Variants in RREB1 observed in about 807,000 individuals in gnomAD.
RREB1 encodes the protein ras-responsive element-binding protein 1.
RREB1 carries 27 observed loss-of-function variants against 117.8 expected under a neutral mutation model. The observed-to-expected ratio is 0.23, with a 90% CI of 0.17 to 0.32. RREB1 has a LOEUF of 0.32. Among genes scored for constraint, RREB1 ranks in the 10% least tolerant of loss-of-function variants. The probability of loss-of-function intolerance (pLI) is 1.00; values close to 1 mark genes in which losing one functional copy is unlikely to be tolerated. For synonymous variants in RREB1, 1,298 were observed against 1,026.7 expected, an observed-to-expected ratio of 1.26 and a Z score of -5.05; for missense variants, 2,577 against 2,378.2, an observed-to-expected ratio of 1.08 and a Z score of -1.74.
intron 5 of RREB1, among the ~76,000 whole-genome samples, 172 bp from the exon 6 acceptor site, chr6:7,188,987 C>T (rs1489378603): frequency 6.6e-6 from 1 of 152,142 alleles, no homozygotes; most frequent in East Asian, 1.9e-4. Flanking sequence ...TATTTATTTG[C>T]CTGTTTTCCT....
intron 1 of RREB1, among the ~76,000 whole-genome samples, chr6:7,149,995 G>GTTT (rs375066168): frequency 7.1e-6 from 1 of 140,314 alleles, no homozygotes. Context: ...GGCCTGGTTG[G>GTTT]TTTTTTTTTT....
At chr6:7,152,360 T>A (rs1763164031) in intron 1 of RREB1, among the ~76,000 whole-genome samples, 1 of 152,222 alleles carries the variant, frequency 6.6e-6, no homozygotes, top group Non-Finnish European at 1.5e-5. Context: ...TAATGTTAGA[T>A]CTTTAGGTTT....
chr6:7,245,382 G>A (rs185295621), intron 11 of RREB1, among the ~76,000 whole-genome samples: 54 of 152,280 alleles, frequency 3.5e-4, no homozygotes, highest in Admixed American at 6.5e-4. Context: ...GCGACAAGGC[G>A]AAACTCCGTC....
At chr6:7,238,239 T>A (rs1768467285) in intron 10 of RREB1, among the ~76,000 whole-genome samples, 1 of 152,218 alleles carries the variant, frequency 6.6e-6, no homozygotes, top group South Asian at 2.1e-4. Flanking sequence ...AGTAATTTTT[T>A]TCATTTTATT....
At chr6:7,238,385 C>T (rs185562339) in intron 10 of RREB1, among the ~76,000 whole-genome samples, 2 of 152,288 alleles carry the variant, frequency 1.3e-5, no homozygotes, top group South Asian at 2.1e-4. Context: ...TTAAGGTGTG[C>T]ACCACCATGC....
chr6:7,237,978 G>A (rs750628102), intron 10 of RREB1, among the ~76,000 whole-genome samples: 9 of 152,180 alleles, frequency 5.9e-5, no homozygotes, highest in Admixed American at 2.0e-4. Flanking sequence ...TAAAGGTGAC[G>A]CACTTACCAG....
chr6:7,221,035 G>A (rs536493569), intron 8 of RREB1, among the ~76,000 whole-genome samples: 40 of 152,338 alleles, frequency 2.6e-4, no homozygotes, highest in Non-Finnish European at 5.0e-4. Flanking sequence ...GCCTTGGGAA[G>A]GCTGGATGAA....
intron 8 of RREB1, among the ~76,000 whole-genome samples, chr6:7,222,678 C>T (rs1195174723): frequency 1.3e-5 from 2 of 152,072 alleles, no homozygotes; most frequent in Admixed American, 6.5e-5. Flanking sequence ...ATTAAAAATT[C>T]AAGCCAGGTG....
chr6:7,146,510 A>ACAGTTAGCTCTGACTTAGGGGACGTCTT (rs1762868349), intron 1 of RREB1, among the ~76,000 whole-genome samples: 1 of 152,178 alleles, frequency 6.6e-6, no homozygotes, highest in African/African-American at 2.4e-5. Flanking sequence ...GGAAGTATCC[A>ACAGTTAGCTCTGACTTAGGGGACGTCTT]CAGTTAGCTC....
intron 12 of RREB1, 60 bp from the exon 13 acceptor site, chr6:7,248,451 A>G (rs1364509624): frequency 7.0e-7 from 1 of 1,421,442 alleles, no homozygotes; most frequent in Non-Finnish European, 9.8e-7. Context: ...TGTGCAGAGC[A>G]GGGTGCAGTG....
At chr6:7,201,433 G>A (rs1204013406) in intron 6 of RREB1, among the ~76,000 whole-genome samples, 4 of 151,990 alleles carry the variant, frequency 2.6e-5, no homozygotes, top group African/African-American at 7.3e-5. Flanking sequence ...ACACTGAAGC[G>A]TGCCCACTCA....
chr6:7,222,433 A>G (rs1007832910), intron 8 of RREB1, among the ~76,000 whole-genome samples: 6 of 152,132 alleles, frequency 3.9e-5, no homozygotes, highest in African/African-American at 1.4e-4. Context: ...CCTGATCCCC[A>G]CCTGGTGTCT....
chr6:7,245,416 T>A (rs927750504), intron 11 of RREB1, among the ~76,000 whole-genome samples: 3 of 152,098 alleles, frequency 2.0e-5, no homozygotes, highest in Non-Finnish European at 4.4e-5. Flanking sequence ...AAAAACTAAA[T>A]CAGACATAGG....
At chr6:7,180,540 G>C (rs1764734311) in intron 2 of RREB1, among the ~76,000 whole-genome samples, 1 of 152,210 alleles carries the variant, frequency 6.6e-6, no homozygotes, top group African/African-American at 2.4e-5. Context: ...GTTAAAATGA[G>C]GGAAGCAGTA....
Position 7,230,608 on chromosome 6 carries a change from C to T in RREB1, c.2509C>T (p.Pro837Ser). 1 of 1,603,914 alleles carries T rather than the reference C, an allele frequency of 6.2e-7. No individual in the cohort carries two copies. Among genetic ancestry groups the T allele is most frequent in the Non-Finnish European group, 8.5e-7 (1 of 1,175,436 alleles). Residue 837 changes from proline (P) to serine (S), a missense_variant, in exon 10 of 13, where the codon CCG becomes TCG. By Grantham distance (74) the Pro-to-Ser change is moderately conservative. Coordinates refer to ENST00000379938, the MANE Select transcript of RREB1 (RefSeq NM_001003699.4). Reference sequence around the variant, plus strand: ...CGACGGCCTGGGCCCCGCAGAGGCGCCGGCCGCTGAGGCGTCGGGGCGCGG... The same window carrying T: ...CGACGGCCTGGGCCCCGCAGAGGCGTCGGCCGCTGAGGCGTCGGGGCGCGG... ...AADGLGPAEA[P>S]AAEASGRGED...
At chr6:7,200,947 A>G (rs1765939929) in intron 6 of RREB1, among the ~76,000 whole-genome samples, 2 of 152,216 alleles carry the variant, frequency 1.3e-5, no homozygotes, top group Non-Finnish European at 2.9e-5. Context: ...TATTTTTGAC[A>G]TATCTTGTTG....
rs1172854960 is a variant in RREB1, at chr6:7,229,927, A to G, written c.1828A>G (p.Met610Val). The G allele has an allele frequency of 3.1e-6, 5 of 1,599,478 alleles. No individual in the cohort carries two copies. Among genetic ancestry groups the G allele is most frequent in the Non-Finnish European group, 4.3e-6 (5 of 1,169,378 alleles). ...SIIEALLPLS[M>V]EAKIKQEITE... The stretch of plus-strand genomic sequence containing the variant: ...CATCGAGGCCCTGCTGCCGCTGAGC[A>G]TGGAGGCCAAGATCAAGCAGGAGAT... Residue 610 changes from methionine to valine, a missense_variant, in exon 10 of 13, where the codon ATG becomes GTG. Transcript: ENST00000379938. The surrounding 1 kb of genome is among the most constrained non-coding windows in gnomAD (Gnocchi z 4.5).
intron 8 of RREB1, chr6:7,212,713 G>T (rs558521195): frequency 6.6e-6 from 1 of 152,080 alleles, no homozygotes; most frequent in Non-Finnish European, 1.5e-5. Flanking sequence ...GCATCTGTTT[G>T]CCTGAATCCC....
At chr6:7,147,309 A>G (rs1468927967) in intron 1 of RREB1, among the ~76,000 whole-genome samples, 1 of 152,216 alleles carries the variant, frequency 6.6e-6, no homozygotes, top group Non-Finnish European at 1.5e-5. Flanking sequence ...AATACCTACC[A>G]TACTGCATTT....
Sources: gnomAD v4.1 joint callset for allele counts (sites outside exome capture counted in the v4.1 genomes callset) on GRCh38, gnomAD v4.1.1 for gene constraint, Gnocchi (gnomAD v3.1) non-coding constraint, MANE v1.5 for transcripts, NCBI Gene and HGNC (gene_info 2026-07-23, HGNC 2026-07-21) for gene names.